Variants in LRRC4C observed in about 807,000 individuals in gnomAD.
LRRC4C encodes leucine-rich repeat-containing protein 4C.
LRRC4C carries 5 observed loss-of-function variants against 33.6 expected under a neutral mutation model. That is an observed-to-expected ratio of 0.15 (90% CI 0.08 to 0.31). The LOEUF (loss-of-function observed/expected upper bound fraction) is 0.31. Ranked by LOEUF, LRRC4C falls within the 10% of genes least tolerant of loss-of-function variation. The probability of loss-of-function intolerance (pLI) is 1.00; values close to 1 mark genes in which losing one functional copy is unlikely to be tolerated. For missense variants in LRRC4C, 560 were observed against 796.7 expected (o/e 0.70, Z 3.58); for synonymous variants, 329 against 302.0 (o/e 1.09, Z -0.93).
chr11:40,865,835 A>T (rs1954337427), intron 2 of LRRC4C, among the ~76,000 whole-genome samples: 1 of 152,054 alleles, frequency 6.6e-6, no homozygotes, highest in South Asian at 2.1e-4. Context: ...ATAGAAAGGA[A>T]AAATAAGAGA....
At chr11:40,129,581 G>C (rs1856505338) in intron 6 of LRRC4C, among the ~76,000 whole-genome samples, 1 of 152,148 alleles carries the variant, frequency 6.6e-6, no homozygotes, top group East Asian at 1.9e-4. Context: ...CAGAACTAGG[G>C]AGGACTGGAT....
chr11:40,483,130 A>G (rs1346032210), intron 3 of LRRC4C, among the ~76,000 whole-genome samples: 1 of 152,178 alleles, frequency 6.6e-6, no homozygotes, highest in African/African-American at 2.4e-5. Flanking sequence ...ACCTTCATGT[A>G]GTCAAGGAAG....
At position 40,412,513 on chromosome 11, in the gene LRRC4C, A is replaced by G. The variant is rs1950189872; in HGVS notation, c.-269-92792T>C. Reference sequence around the variant, plus strand: ...ATTTAGCAATTTTTAAAAATTCTGGATGAACAACAAATGCATCTCCTCTTT... The same window carrying G: ...ATTTAGCAATTTTTAAAAATTCTGGGTGAACAACAAATGCATCTCCTCTTT... On this transcript the variant is annotated intron_variant, in intron 3 of 6. Coordinates refer to ENST00000528697, the MANE Select transcript of LRRC4C (RefSeq NM_001258419.2). 1.3e-5 allele frequency among the ~76,000 whole-genome samples: 2 copies of G among 152,026 alleles called. 1 individual carries two copies. The highest frequency in any genetic ancestry group is 4.1e-4 in the South Asian group (2 of 4,826).
intron 3 of LRRC4C, among the ~76,000 whole-genome samples, chr11:40,508,804 C>G (rs771093638): frequency 6.6e-6 from 1 of 152,092 alleles, no homozygotes. Flanking sequence ...TCAAAGTGTC[C>G]TGTTAATTGT....
At chr11:40,787,668 T>G (rs1950468357) in intron 2 of LRRC4C, among the ~76,000 whole-genome samples, 1 of 152,212 alleles carries the variant, frequency 6.6e-6, no homozygotes, top group Non-Finnish European at 1.5e-5. Flanking sequence ...CCATCTTGAT[T>G]TAGAAGTTAT....
chr11:40,651,861 G>A (rs1408552095), intron 2 of LRRC4C, among the ~76,000 whole-genome samples: 2 of 152,070 alleles, frequency 1.3e-5, no homozygotes, highest in Non-Finnish European at 2.9e-5. Context: ...TCTTATTTAT[G>A]CGTGTCTTTA....
At chr11:41,303,985 G>A (rs1429551373) in intron 1 of LRRC4C, among the ~76,000 whole-genome samples, 4 of 78,142 alleles carry the variant, frequency 5.1e-5, no homozygotes, top group African/African-American at 1.4e-4. Flanking sequence ...CACCCCGTCC[G>A]GGAGGGAGGT....
chr11:41,273,465 C>T (rs867642737), intron 1 of LRRC4C, among the ~76,000 whole-genome samples: 31 of 152,190 alleles, frequency 2.0e-4, no homozygotes, highest in African/African-American at 7.2e-4. Flanking sequence ...ACCTAGAGGG[C>T]GTTATGCTAA....
chr11:41,020,287 C>T (rs929091586), intron 1 of LRRC4C, among the ~76,000 whole-genome samples: 9 of 152,086 alleles, frequency 5.9e-5, no homozygotes, highest in Admixed American at 6.6e-5. Flanking sequence ...ATGGACCCTG[C>T]TGTTGTAGGT....
chr11:40,531,504 A>AT (rs1217470711), intron 3 of LRRC4C, among the ~76,000 whole-genome samples: 2 of 152,260 alleles, frequency 1.3e-5, no homozygotes, highest in African/African-American at 4.8e-5. Context: ...AATTAAGCAG[A>AT]TATAAAGTGA....
At chr11:40,977,772 C>T (rs1852191596) in intron 1 of LRRC4C, among the ~76,000 whole-genome samples, 1 of 152,116 alleles carries the variant, frequency 6.6e-6, no homozygotes, top group South Asian at 2.1e-4. Context: ...TTACTCCCTC[C>T]ACAAAAACTT....
intron 5 of LRRC4C, among the ~76,000 whole-genome samples, chr11:40,225,686 G>A (rs1329209491): frequency 5.4e-5 from 8 of 149,130 alleles, no homozygotes; most frequent in African/African-American, 1.2e-4. Flanking sequence ...GCACGATCTC[G>A]GCTCACAGCA....
intron 2 of LRRC4C, among the ~76,000 whole-genome samples, chr11:40,781,824 C>G (rs1168821092): frequency 6.6e-6 from 1 of 152,046 alleles, no homozygotes; most frequent in Non-Finnish European, 1.5e-5. Context: ...CCTAAAAGCA[C>G]CAAAATGCAG....
At chr11:40,251,405 C>T (rs16934617) in intron 4 of LRRC4C, among the ~76,000 whole-genome samples, 13,441 of 152,106 alleles carry the variant, frequency 0.088, 1,715 homozygotes, top group African/African-American at 0.28. Context: ...CCTTCGAGTA[C>T]ACAGAAGTTC....
chr11:40,282,958 T>A (rs1482092848), intron 4 of LRRC4C, among the ~76,000 whole-genome samples: 1 of 152,248 alleles, frequency 6.6e-6, no homozygotes, highest in Non-Finnish European at 1.5e-5. Flanking sequence ...TCTCTTGTTA[T>A]ATTAGTCCAT....
At chr11:41,041,404 T>C (rs183203273) in intron 1 of LRRC4C, among the ~76,000 whole-genome samples, 1 of 152,316 alleles carries the variant, frequency 6.6e-6, no homozygotes, top group Admixed American at 6.5e-5. Flanking sequence ...TAGACTGCAT[T>C]TTCTGACTAC....
At position 40,425,230 on chromosome 11, in the gene LRRC4C, C is replaced by A. The variant is rs1397198843; in HGVS notation, c.-269-105509G>T. Reference sequence around the variant, plus strand: ...TCTAGTAAAATCCAATCATTTCCCCCCTTTTTCATTATGCTGAAACATCTG... The same window carrying A: ...TCTAGTAAAATCCAATCATTTCCCCACTTTTTCATTATGCTGAAACATCTG... On this transcript the variant is annotated intron_variant, in intron 3 of 6. Coordinates refer to ENST00000528697, the MANE Select transcript of LRRC4C (RefSeq NM_001258419.2). 3.3e-5 allele frequency among the ~76,000 whole-genome samples: 5 copies of A among 152,054 alleles called. No homozygotes were observed. The East Asian group carries it at 5.8e-4, about 18-fold the overall frequency.
chr11:40,646,524 T>C (rs1942466835), intron 3 of LRRC4C, among the ~76,000 whole-genome samples: 1 of 152,132 alleles, frequency 6.6e-6, no homozygotes, highest in East Asian at 1.9e-4. Flanking sequence ...CATCCTTCCC[T>C]GTGTATAAAT....
chr11:41,006,593 A>G (rs944746514), intron 1 of LRRC4C, among the ~76,000 whole-genome samples: 1 of 152,302 alleles, frequency 6.6e-6, no homozygotes. Flanking sequence ...TGTCTAGCTT[A>G]GTGTGTATTT....
Sources: gnomAD v4.1 joint callset for allele counts (sites outside exome capture counted in the v4.1 genomes callset) on GRCh38, gnomAD v4.1.1 for gene constraint, MANE v1.5 for transcripts, NCBI Gene and HGNC (gene_info 2026-07-23, HGNC 2026-07-21) for gene names.